Variants in LRRC7 observed in about 807,000 individuals in gnomAD.
LRRC7 encodes leucine-rich repeat-containing protein 7.
A neutral mutation model predicts 175.7 loss-of-function variants in LRRC7; 23 were observed. That is an observed-to-expected ratio of 0.13 (90% CI 0.09 to 0.19). LRRC7 has a LOEUF of 0.19. Among genes scored for constraint, LRRC7 ranks in the 10% least tolerant of loss-of-function variants. The probability of loss-of-function intolerance (pLI) is 1.00; values close to 1 mark genes in which losing one functional copy is unlikely to be tolerated. For missense variants in LRRC7, 1,354 were observed against 1,904.7 expected, an observed-to-expected ratio of 0.71 and a Z score of 5.38; for synonymous variants, 685 against 680.9, an observed-to-expected ratio of 1.01 and a Z score of -0.09.
intron 18 of LRRC7, among the ~76,000 whole-genome samples, chr1:70,034,032 C>T (rs1659048510): frequency 6.6e-6 from 1 of 151,640 alleles, no homozygotes. Context: ...ATGATAATGC[C>T]CAGAGAAGTA....
intron 14 of LRRC7, 127 bp downstream of exon 14, chr1:70,016,661 AAG>A (rs1656989870): frequency 1.5e-6 from 1 of 673,202 alleles, no homozygotes. Context: ...TATCCCCAGA[AAG>A]AGAGAATTTT....
At chr1:69,800,630 A>AT in intron 4 of LRRC7, among the ~76,000 whole-genome samples, 1 of 151,960 alleles carries the variant, frequency 6.6e-6, no homozygotes, top group Non-Finnish European at 1.5e-5. Flanking sequence ...AAATCTAAGC[A>AT]TTTTTTGAGG....
chr1:69,769,266 T>C (rs976544974), intron 3 of LRRC7, among the ~76,000 whole-genome samples: 1 of 152,198 alleles, frequency 6.6e-6, no homozygotes, highest in African/African-American at 2.4e-5. Context: ...CTCATCTAGA[T>C]TTGTTCTTGC....
At chr1:69,991,524 C>G (rs1654436099) in intron 10 of LRRC7, among the ~76,000 whole-genome samples, 1 of 152,126 alleles carries the variant, frequency 6.6e-6, no homozygotes, top group African/African-American at 2.4e-5. Flanking sequence ...GTAGCTGACT[C>G]TCCTCAGAGA....
At chr1:69,972,314 C>T (rs1192087950) in intron 8 of LRRC7, among the ~76,000 whole-genome samples, 1 of 152,158 alleles carries the variant, frequency 6.6e-6, no homozygotes, top group African/African-American at 2.4e-5. Context: ...ACAAAAGAAA[C>T]AGCAGAGTAA....
intron 2 of LRRC7, among the ~76,000 whole-genome samples, chr1:69,722,888 A>G (rs1009423269): frequency 1.3e-5 from 2 of 152,100 alleles, no homozygotes; most frequent in African/African-American, 4.8e-5. Context: ...ATATATACAC[A>G]TATGTACACT....
At chr1:70,043,579 C>T (rs981757213) in intron 21 of LRRC7, among the ~76,000 whole-genome samples, 2 of 152,150 alleles carry the variant, frequency 1.3e-5, no homozygotes, top group African/African-American at 4.8e-5. Flanking sequence ...CAAAGATCTG[C>T]AGCTGGTAAA....
At chr1:69,720,264 T>A (rs1426994343) in intron 2 of LRRC7, among the ~76,000 whole-genome samples, 2 of 151,672 alleles carry the variant, frequency 1.3e-5, no homozygotes, top group African/African-American at 2.4e-5. Context: ...GTTAATTTAT[T>A]AGATATGCAT....
intron 5 of LRRC7, among the ~76,000 whole-genome samples, chr1:69,830,139 CT>C (rs1680361759): frequency 6.6e-6 from 1 of 151,740 alleles, no homozygotes; most frequent in Non-Finnish European, 1.5e-5. Flanking sequence ...GTTTCTTTCA[CT>C]GTATTTCACC....
intron 24 of LRRC7, among the ~76,000 whole-genome samples, chr1:70,085,745 A>G (rs879706531): frequency 3.9e-5 from 6 of 152,060 alleles, no homozygotes; most frequent in Non-Finnish European, 7.4e-5. Context: ...ATTACTCTCT[A>G]CTACCTTTCC....
intron 4 of LRRC7, among the ~76,000 whole-genome samples, chr1:69,794,946 A>T (rs963458026): frequency 6.6e-6 from 1 of 152,234 alleles, no homozygotes; most frequent in Non-Finnish European, 1.5e-5. Context: ...TTATGCAAAA[A>T]GTCATGCAAA....
In LRRC7 at chr1:69,947,298, A is replaced by C. The variant is rs74609521; in HGVS notation, c.711+15728A>C. Among the ~76,000 whole-genome samples the C allele has an allele frequency of 6.7e-4, 102 of 151,940 alleles. No homozygotes were observed. In the East Asian group the frequency reaches 0.017, roughly 25 times the overall value. On this transcript the variant is annotated intron_variant, in intron 8 of 26. Coordinates refer to ENST00000651989, the MANE Select transcript of LRRC7 (RefSeq NM_001370785.2). ...AAGGACTTAGTATTGCCATTTTGTT[A>C]AGTATTTTATCCCTGTCTTATAACT... is the stretch of plus-strand genomic sequence containing the variant.
chr1:69,885,594 G>A (rs1344149980), intron 7 of LRRC7, among the ~76,000 whole-genome samples: 1 of 98,536 alleles, frequency 1.0e-5, no homozygotes, highest in Non-Finnish European at 2.2e-5. Flanking sequence ...TTTTTTGAAG[G>A]GTTTTTTGTG....
chr1:70,027,994 G>A (rs565020206), intron 17 of LRRC7, among the ~76,000 whole-genome samples, 177 bp from the exon 18 acceptor site: 210 of 152,200 alleles, frequency 1.4e-3, no homozygotes, highest in African/African-American at 4.9e-3. Context: ...GGGGTGAGAA[G>A]TCCCAGAAGG....
chr1:69,823,541 G>GA (rs71736470), intron 4 of LRRC7, among the ~76,000 whole-genome samples: 18,878 of 151,922 alleles, frequency 0.12, 1,523 homozygotes, highest in East Asian at 0.22. Flanking sequence ...GTGTGTGTGG[G>GA]AAAAAAAGTG....
intron 3 of LRRC7, among the ~76,000 whole-genome samples, chr1:69,791,480 A>G (rs1284683638): frequency 6.6e-6 from 1 of 151,956 alleles, no homozygotes; most frequent in Non-Finnish European, 1.5e-5. Flanking sequence ...AGCAATTACG[A>G]GTGATTTTTT....
chr1:69,961,950 G>A (rs368690288), intron 8 of LRRC7, among the ~76,000 whole-genome samples: 3 of 152,030 alleles, frequency 2.0e-5, no homozygotes, highest in Non-Finnish European at 2.9e-5. Context: ...TGACTAAGAT[G>A]CCACAACCAG....
At chr1:69,664,666 A>G (rs370554429) in intron 1 of LRRC7, among the ~76,000 whole-genome samples, 11 of 152,252 alleles carry the variant, frequency 7.2e-5, no homozygotes, top group African/African-American at 2.4e-4. Context: ...AGATTTTCCT[A>G]TCATATTGCT....
chr1:70,112,125 T>C (rs1299065392), intron 26 of LRRC7, among the ~76,000 whole-genome samples: 2 of 152,192 alleles, frequency 1.3e-5, no homozygotes, highest in Non-Finnish European at 2.9e-5. Flanking sequence ...TTTCTTGTCT[T>C]AGAAAGAACC....
Sources: allele counts gnomAD v4.1 joint callset (sites outside exome capture counted in the v4.1 genomes callset), GRCh38; gene constraint gnomAD v4.1.1; transcripts MANE v1.5; gene names NCBI Gene and HGNC (gene_info 2026-07-23, HGNC 2026-07-21).